MACROD2: variants seen among roughly 807,000 people sequenced by gnomAD.
MACROD2 encodes ADP-ribose glycohydrolase MACROD2.
In MACROD2, 36 loss-of-function variants were observed where a neutral mutation model predicts 70.4. The observed-to-expected ratio is 0.51, with a 90% CI of 0.39 to 0.68. The LOEUF (loss-of-function observed/expected upper bound fraction) is 0.68. Among genes scored for constraint, MACROD2 ranks in the 30% least tolerant of loss-of-function variants. MACROD2 has a pLI of 0.00. For synonymous variants in MACROD2, 172 were observed against 178.8 expected (o/e 0.96, Z 0.30); for missense variants, 496 against 538.4 (o/e 0.92, Z 0.78).
chr20:15,278,360 A>G (rs764276405), intron 6 of MACROD2, among the ~76,000 whole-genome samples: 2 of 152,200 alleles, frequency 1.3e-5, no homozygotes, highest in Non-Finnish European at 2.9e-5. Flanking sequence ...GGAGAGGCAA[A>G]TGGCTGTTTC....
rs922494567 is a variant in MACROD2 at position 14,330,439 on chromosome 20, A to G, written c.272-163040A>G. On this transcript the variant is annotated intron_variant, in intron 3 of 17. Transcript: ENST00000684519. ...GCAATTTGCTTCTCCCACAGTTGCT[A>G]TCTAACATCCAACAAGTATAGCATC... Among the ~76,000 whole-genome samples, 3 of 152,060 alleles carry G rather than the reference A, an allele frequency of 2.0e-5. 1 individual carries two copies. The highest frequency in any genetic ancestry group is 4.2e-4 in the South Asian group (2 of 4,818).
At chr20:15,523,669 A>G (rs756732000) in intron 8 of MACROD2, among the ~76,000 whole-genome samples, 1 of 152,158 alleles carries the variant, frequency 6.6e-6, no homozygotes, top group Non-Finnish European at 1.5e-5. Context: ...ATCATTTAAC[A>G]TATACAAGCG....
chr20:14,041,209 G>T (rs2053386091), intron 2 of MACROD2, among the ~76,000 whole-genome samples: 1 of 152,288 alleles, frequency 6.6e-6, no homozygotes, highest in South Asian at 2.1e-4. Context: ...GCATGATAGA[G>T]GAATTTGTAT....
intron 5 of MACROD2, among the ~76,000 whole-genome samples, chr20:15,070,302 A>C (rs1309259225): frequency 1.3e-5 from 2 of 152,156 alleles, no homozygotes; most frequent in African/African-American, 4.8e-5. Context: ...GGTAGAAGGA[A>C]CTTGCCATGG....
chr20:15,720,061 T>G (rs1393186979), intron 8 of MACROD2, among the ~76,000 whole-genome samples: 2 of 152,224 alleles, frequency 1.3e-5, no homozygotes, highest in Admixed American at 1.3e-4. Context: ...ATCTGCTTTC[T>G]GTGTCTGCTT....
chr20:14,535,462 G>A (rs576747443), intron 4 of MACROD2, among the ~76,000 whole-genome samples: 3 of 141,294 alleles, frequency 2.1e-5, no homozygotes, highest in East Asian at 2.1e-4. Context: ...CCGAGATGGC[G>A]CCATTGTACT....
At chr20:14,661,056 G>T (rs764258690) in intron 4 of MACROD2, among the ~76,000 whole-genome samples, 1 of 152,024 alleles carries the variant, frequency 6.6e-6, no homozygotes, top group Admixed American at 6.6e-5. Flanking sequence ...TTTTCCTGTG[G>T]GTATATACTC....
chr20:15,180,737 C>G (rs369511231), intron 5 of MACROD2, among the ~76,000 whole-genome samples: 1 of 152,206 alleles, frequency 6.6e-6, no homozygotes, highest in South Asian at 2.1e-4. Context: ...GTGATCCACC[C>G]GCCTTGGCCT....
rs79435481 is a variant in MACROD2 at position 14,591,716 on chromosome 20, A to G, written c.302-93127A>G. On this transcript the variant is annotated intron_variant, in intron 4 of 17. Transcript: ENST00000684519. Reference sequence around the variant, plus strand: ...AGCTTCAGTGTAATACCTTTATAAGACAGGTTCTGCAGAGAGGGGCAATAT... The same window carrying G: ...AGCTTCAGTGTAATACCTTTATAAGGCAGGTTCTGCAGAGAGGGGCAATAT... Among the ~76,000 whole-genome samples, 24 of 152,320 alleles carry G rather than the reference A, an allele frequency of 1.6e-4. No homozygotes were observed. The East Asian group carries it at 4.6e-3, about 29-fold the overall frequency.
At chr20:16,007,618 A>C (rs553195249) in intron 15 of MACROD2, among the ~76,000 whole-genome samples, 1 of 152,304 alleles carries the variant, frequency 6.6e-6, no homozygotes, top group East Asian at 1.9e-4. Context: ...ATATTTAAAA[A>C]TTTTTTCAAA....
At chr20:15,129,872 G>T (rs1251550107) in intron 5 of MACROD2, among the ~76,000 whole-genome samples, 1 of 152,068 alleles carries the variant, frequency 6.6e-6, no homozygotes, top group African/African-American at 2.4e-5. Flanking sequence ...CTTGAATAAT[G>T]TGAGTCACTC....
intron 8 of MACROD2, among the ~76,000 whole-genome samples, chr20:15,783,047 T>A (rs973361269): frequency 6.6e-6 from 1 of 152,172 alleles, no homozygotes; most frequent in Non-Finnish European, 1.5e-5. Context: ...CTTTCTTTTT[T>A]AAATTTTCTT....
chr20:14,819,513 G>C (rs1032439174), intron 5 of MACROD2, among the ~76,000 whole-genome samples: 18 of 151,926 alleles, frequency 1.2e-4, no homozygotes, highest in African/African-American at 4.4e-4. Flanking sequence ...TTCTAAGACA[G>C]AGAAACAAAA....
rs538132127 is a variant in MACROD2, at chr20:15,191,336, G to T, written c.419-38604G>T. Among the ~76,000 whole-genome samples, 10 of 152,318 alleles carry T rather than the reference G, an allele frequency of 6.6e-5. No individual in the cohort carries two copies. The South Asian group carries it at 1.9e-3, about 28-fold the overall frequency. ...CTCACACACACAGGCTGTGCATAAG[G>T]CTTCAGAGAAAGCCCTGAGATAGAA... On this transcript the variant is annotated intron_variant, in intron 5 of 17. Transcript: ENST00000684519.
intron 5 of MACROD2, among the ~76,000 whole-genome samples, chr20:15,108,912 A>G (rs1166228034): frequency 6.6e-6 from 1 of 152,122 alleles, no homozygotes; most frequent in Non-Finnish European, 1.5e-5. Context: ...GTGACAGAAC[A>G]AGGACCCCAT....
intron 8 of MACROD2, among the ~76,000 whole-genome samples, chr20:15,850,154 A>G (rs6043574): frequency 0.5 from 76,424 of 152,000 alleles, 21,196 homozygotes; most frequent in Middle Eastern, 0.64. Flanking sequence ...GAGTGCAGGT[A>G]GATTATCTGT....
intron 6 of MACROD2, among the ~76,000 whole-genome samples, chr20:15,387,147 G>A (rs996749985): frequency 6.6e-6 from 1 of 152,260 alleles, no homozygotes; most frequent in Non-Finnish European, 1.5e-5. Context: ...GTTAGACTTA[G>A]GAAAGACCTA....
intron 13 of MACROD2, among the ~76,000 whole-genome samples, chr20:15,968,706 A>G (rs952532935): frequency 4.0e-5 from 6 of 150,234 alleles, no homozygotes; most frequent in African/African-American, 1.5e-4. Flanking sequence ...ATGAAAGTCT[A>G]AATAATTTAG....
chr20:15,111,873 C>T (rs1438356443), intron 5 of MACROD2, among the ~76,000 whole-genome samples: 1 of 152,190 alleles, frequency 6.6e-6, no homozygotes, highest in Admixed American at 6.5e-5. Flanking sequence ...CTGTCAGATG[C>T]CAGGTGCTGT....
Sources: gnomAD v4.1 joint callset for allele counts (sites outside exome capture counted in the v4.1 genomes callset) on GRCh38, gnomAD v4.1.1 for gene constraint, MANE v1.5 for transcripts, NCBI Gene and HGNC (gene_info 2026-07-23, HGNC 2026-07-21) for gene names.